FGD4: variants seen among roughly 807,000 people sequenced by gnomAD.
FGD4 encodes the protein FYVE, RhoGEF and PH domain containing 4, also known as FYVE, RhoGEF and PH domain-containing protein 4.
FGD4 carries 42 observed loss-of-function variants against 102.0 expected under a neutral mutation model. The ratio of observed to expected loss-of-function variants is 0.41; its 90% CI spans 0.32 to 0.53. The LOEUF is 0.53. FGD4 is among the 20% of genes least tolerant of loss of function. The pLI is 0.21. For missense variants in FGD4, 902 were observed against 1,078.2 expected (o/e 0.84, Z 2.29); for synonymous variants, 380 against 375.7 (o/e 1.01, Z -0.13).
In FGD4 at chr12:32,544,704, C is replaced by G. The variant is rs774840957; in HGVS notation, c.167-19433C>G. On this transcript the variant is annotated intron_variant, in intron 1 of 16. Transcript: ENST00000534526. The surrounding 1 kb of genome is among the most constrained non-coding windows in gnomAD (Gnocchi z 4.1). Reference sequence around the variant, plus strand: ...TTGAGATCGCACCATTGCACTCCAGCCTGGTGACAGAAGGATACTCTGTCT... The same window carrying G: ...TTGAGATCGCACCATTGCACTCCAGGCTGGTGACAGAAGGATACTCTGTCT... Among the ~76,000 whole-genome samples, 1 of 151,562 alleles carries G rather than the reference C, an allele frequency of 6.6e-6. No individual in the cohort carries two copies. The highest frequency in any genetic ancestry group is 1.5e-5 in the Non-Finnish European group (1 of 68,004).
intron 11 of FGD4, among the ~76,000 whole-genome samples, chr12:32,620,798 C>T (rs1002792482): frequency 1.3e-4 from 19 of 149,300 alleles, no homozygotes; most frequent in African/African-American, 4.7e-4. Context: ...CCCGGGTTCA[C>T]GCCATTCTCC....
chr12:32,638,819 A>G (rs901278037), intron 16 of FGD4, 24 bp downstream of exon 16: 6 of 1,613,718 alleles, frequency 3.7e-6, no homozygotes, highest in Non-Finnish European at 5.1e-6. Flanking sequence ...ATCTGTCTGA[A>G]GGGACAGATG....
intron 4 of FGD4, among the ~76,000 whole-genome samples, chr12:32,592,248 A>G (rs1947546836): frequency 6.6e-6 from 1 of 151,860 alleles, no homozygotes; most frequent in South Asian, 2.1e-4. Context: ...ATTCCCAGCT[A>G]ATTTTTGTAT....
At chr12:32,469,957 C>G (rs1295597267) in intron 1 of FGD4, among the ~76,000 whole-genome samples, 1 of 152,112 alleles carries the variant, frequency 6.6e-6, no homozygotes, top group Non-Finnish European at 1.5e-5. Flanking sequence ...CTGTGCCTGG[C>G]CTAACCAATT....
intron 1 of FGD4, 128 bp from the exon 2 acceptor site, chr12:32,564,009 G>A (rs1944955876): frequency 5.6e-6 from 5 of 900,612 alleles, no homozygotes; most frequent in Non-Finnish European, 8.1e-6. Context: ...GGGAGACCGT[G>A]GAAAGGGGAG....
intron 4 of FGD4, among the ~76,000 whole-genome samples, chr12:32,588,121 A>T (rs11052090): frequency 0.39 from 58,799 of 152,026 alleles, 12,335 homozygotes; most frequent in African/African-American, 0.55. Context: ...GGCATATTGG[A>T]AAGCTTTAAG....
At chr12:32,480,264 C>G (rs1943702713) in intron 1 of FGD4, among the ~76,000 whole-genome samples, 1 of 151,376 alleles carries the variant, frequency 6.6e-6, no homozygotes, top group African/African-American at 2.4e-5. Context: ...CAGGTTCACA[C>G]CATTCTCCTG....
chr12:32,530,936 C>T (rs1241919588), intron 1 of FGD4, among the ~76,000 whole-genome samples: 2 of 110,552 alleles, frequency 1.8e-5, no homozygotes, highest in South Asian at 2.7e-4. Flanking sequence ...AGTTTCCTAG[C>T]TTTGGTTTTT....
chr12:32,409,717 G>C lies in FGD4; in HGVS notation c.166+9758G>C, dbSNP rs368565656. On this transcript the variant is annotated intron_variant, in intron 1 of 16. Coordinates refer to ENST00000534526, the MANE Select transcript of FGD4 (RefSeq NM_001370298.3). The stretch of plus-strand genomic sequence containing the variant: ...TCCAGAAATAATTGCCTTAGTGATT[G>C]ATTGTTGGTTAAACCTTACCAGTAA... Among the ~76,000 whole-genome samples, 7 of 152,236 alleles carry C rather than the reference G, an allele frequency of 4.6e-5. No homozygotes were observed. The South Asian group carries it at 1.4e-3, about 32-fold the overall frequency.
Position 32,607,511 on chromosome 12 carries a change from CTGT to C in FGD4, c.1405-432_1405-430del, listed in dbSNP as rs113718107. Among the ~76,000 whole-genome samples the C allele has an allele frequency of 5.3e-5, 8 of 150,268 alleles. 1 individual carries two copies. Among genetic ancestry groups the C allele is most frequent in the East Asian group, 3.9e-4 (2 of 5,178 alleles). ...GAGGTGGGGTTCAGAAATCTGTTTT[CTGT>C]TGTTGTTGTTGTTTTTTTTGAGACG... On this transcript the variant is annotated intron_variant, in intron 7 of 16. Coordinates refer to ENST00000534526, the MANE Select transcript of FGD4 (RefSeq NM_001370298.3).
chr12:32,605,721 A>G (rs1332812027), intron 7 of FGD4, among the ~76,000 whole-genome samples: 1 of 152,244 alleles, frequency 6.6e-6, no homozygotes, highest in African/African-American at 2.4e-5. Context: ...TGGATTTATT[A>G]GGTGACACCA....
At chr12:32,616,231 G>C (rs113171273) in intron 10 of FGD4, among the ~76,000 whole-genome samples, 1 of 152,076 alleles carries the variant, frequency 6.6e-6, no homozygotes. Flanking sequence ...TTCACTTCTG[G>C]GAGTTGTTTT....
chr12:32,508,922 A>T (rs1939072555), intron 1 of FGD4, among the ~76,000 whole-genome samples: 1 of 152,268 alleles, frequency 6.6e-6, no homozygotes, highest in Non-Finnish European at 1.5e-5. Context: ...GTGCGTGCGC[A>T]CACACTATCA....
intron 1 of FGD4, chr12:32,485,964 T>C: frequency 2.3e-5 from 30 of 1,317,522 alleles, no homozygotes; most frequent in Non-Finnish European, 2.9e-5. Context: ...AACTCTGTAC[T>C]TCCCATTAGT....
intron 1 of FGD4, among the ~76,000 whole-genome samples, chr12:32,541,399 ACT>A (rs1592157441): frequency 6.6e-6 from 1 of 152,062 alleles, no homozygotes; most frequent in Non-Finnish European, 1.5e-5. Context: ...ACAGAGTCTC[ACT>A]CTGTTGCCAG....
Position 32,491,224 on chromosome 12 carries a change from T to G in FGD4, c.167-72913T>G, listed in dbSNP as rs539743609. On this transcript the variant is annotated intron_variant, in intron 1 of 16. Coordinates refer to ENST00000534526, the MANE Select transcript of FGD4 (RefSeq NM_001370298.3). ...AGAAACAAATTATGAAGATGTAAGC[T>G]TCCACCTTAAGGAAACAATTAAACT... is the stretch of plus-strand genomic sequence containing the variant. Among the ~76,000 whole-genome samples, 38 of 151,744 alleles carry G rather than the reference T, an allele frequency of 2.5e-4. No individual in the cohort carries two copies. The South Asian group carries it at 7.7e-3, about 31-fold the overall frequency.
At chr12:32,580,722 C>A (rs1946537166) in intron 3 of FGD4, among the ~76,000 whole-genome samples, 1 of 151,918 alleles carries the variant, frequency 6.6e-6, no homozygotes. Flanking sequence ...CCCGTCTCTA[C>A]TAAAAATACA....
chr12:32,587,710 C>G (rs556493306), intron 4 of FGD4, among the ~76,000 whole-genome samples: 1 of 152,232 alleles, frequency 6.6e-6, no homozygotes, highest in African/African-American at 2.4e-5. Flanking sequence ...AACAAACTCT[C>G]CAGGCCATGG....
At chr12:32,423,089 T>C (rs1190279548) in intron 1 of FGD4, among the ~76,000 whole-genome samples, 1 of 152,228 alleles carries the variant, frequency 6.6e-6, no homozygotes, top group Non-Finnish European at 1.5e-5. Context: ...TTGAGGATAT[T>C]GTTTATCTTT....
Sources: gnomAD v4.1 joint callset for allele counts (sites outside exome capture counted in the v4.1 genomes callset) on GRCh38, gnomAD v4.1.1 for gene constraint, Gnocchi (gnomAD v3.1) non-coding constraint, MANE v1.5 for transcripts, NCBI Gene and HGNC (gene_info 2026-07-23, HGNC 2026-07-21) for gene names.